Variants in COQ8B observed in about 807,000 individuals in gnomAD.
The protein encoded by COQ8B is coenzyme Q8B, also known as atypical kinase COQ8B, mitochondrial.
A neutral mutation model predicts 62.0 loss-of-function variants in COQ8B; 44 were observed. The observed-to-expected ratio is 0.71, with a 90% CI of 0.56 to 0.91. The LOEUF (loss-of-function observed/expected upper bound fraction) is 0.91, where lower values mean the gene tolerates loss of function less well. Among genes scored for constraint, COQ8B ranks in the 40% least tolerant of loss-of-function variants. The pLI, the probability that COQ8B is intolerant of heterozygous loss-of-function variation, is 0.00. For missense variants in COQ8B, 649 were observed against 731.6 expected (o/e 0.89, Z 1.30); for synonymous variants, 252 against 289.9 (o/e 0.87, Z 1.33).
Position 40,714,427 on chromosome 19 carries a change from G to T in COQ8B, c.103-30C>A, listed in dbSNP as rs2082168501. On this transcript the variant is annotated intron_variant, in intron 2 of 14. Coordinates refer to ENST00000324464, the MANE Select transcript of COQ8B (RefSeq NM_024876.4). Reference sequence around the variant, plus strand: ...AAGAGATATACTTTGATAAGGAGGGGAGGACATGGGATCACCTGGCCCTTC... The same window carrying T: ...AAGAGATATACTTTGATAAGGAGGGTAGGACATGGGATCACCTGGCCCTTC... 3 of 1,612,508 alleles carry T rather than the reference G, an allele frequency of 1.9e-6. No individual in the cohort carries two copies. The African/African-American group carries it at 4.0e-5, about 22-fold the overall frequency.
intron 5 of COQ8B, among the ~76,000 whole-genome samples, chr19:40,708,639 A>C (rs545798491): frequency 1.3e-5 from 2 of 151,838 alleles, no homozygotes; most frequent in South Asian, 4.2e-4. Context: ...TTTGAAAAAA[A>C]TATCCAGGCT....
chr19:40,715,376 A>G (rs1205354315), intron 1 of COQ8B: 1 of 985,506 alleles, frequency 1.0e-6, no homozygotes, highest in East Asian at 1.1e-4. Context: ...ACTTTCTTGC[A>G]AAGTCTCCCT....
intron 10 of COQ8B, chr19:40,700,740 C>T (rs1360370731): frequency 7.0e-6 from 3 of 430,854 alleles, no homozygotes; most frequent in Non-Finnish European, 1.3e-5. Flanking sequence ...TTCTGGTTGC[C>T]CCAGAAGGAT....
intron 12 of COQ8B, among the ~76,000 whole-genome samples, chr19:40,696,742 C>G (rs960565536): frequency 3.9e-5 from 6 of 152,090 alleles, no homozygotes; most frequent in African/African-American, 7.2e-5. Flanking sequence ...CCCAGGTCCC[C>G]AGGGTCACCT....
Position 40,691,966 on chromosome 19 carries a change from G to C in COQ8B, c.*69C>G. 1 of 1,404,910 alleles carries C rather than the reference G, an allele frequency of 7.1e-7. No individual in the cohort carries two copies. Among genetic ancestry groups the C allele is most frequent in the Non-Finnish European group, 9.4e-7 (1 of 1,059,110 alleles). 87.0% of individuals were successfully genotyped at this position (1,404,910 alleles called of 1,614,324 possible). On this transcript the variant is annotated 3_prime_UTR_variant, in exon 15 of 15. Transcript: ENST00000324464. ...GGGGCTCCTCTGACCCAGGGCAGACGGGGAAGGGATAAGAGGCACTACAGC... is the reference window on the plus strand; with the variant it reads ...GGGGCTCCTCTGACCCAGGGCAGACCGGGAAGGGATAAGAGGCACTACAGC...
At position 40,714,100 on chromosome 19, in the gene COQ8B, C is replaced by T; in HGVS notation, c.256G>A (p.Ala86Thr). 1 of 1,614,172 alleles carries T rather than the reference C, an allele frequency of 6.2e-7. No individual in the cohort carries two copies. Among genetic ancestry groups the T allele is most frequent in the Non-Finnish European group, 8.5e-7 (1 of 1,180,024 alleles). Residue 86 changes from alanine to threonine, a missense_variant, in exon 4 of 15, where the codon GCC becomes ACC. Ala to Thr is a moderately conservative substitution (Grantham distance 58). Coordinates refer to ENST00000324464, the MANE Select transcript of COQ8B (RefSeq NM_024876.4). The stretch of plus-strand genomic sequence containing the variant: ...TTGGCCAAGCGGCTGATGCGGGAGG[C>T]AGGCACCTTGCGTTCTCGAGAGCGG... ...SDRSRERKVPASRISRLANFG... is the reference protein window; with the variant it reads ...SDRSRERKVPTSRISRLANFG...
At chr19:40,698,896 G>A (rs934164955) in intron 12 of COQ8B, among the ~76,000 whole-genome samples, 2 of 152,106 alleles carry the variant, frequency 1.3e-5, no homozygotes, top group African/African-American at 4.8e-5. Flanking sequence ...CAAGTCTGCA[G>A]GTCCAAACCT....
At chr19:40,695,853 G>T in intron 13 of COQ8B, 136 bp downstream of exon 13, 1 of 877,710 alleles carries the variant, frequency 1.1e-6, no homozygotes, top group Non-Finnish European at 1.9e-6. Flanking sequence ...CTTGGTGTGT[G>T]CTAGTTGCTA....
At chr19:40,694,317 G>A (rs2081996965) in intron 13 of COQ8B, among the ~76,000 whole-genome samples, 1 of 152,312 alleles carries the variant, frequency 6.6e-6, no homozygotes, top group South Asian at 2.1e-4. Flanking sequence ...CAGGCTTAGA[G>A]ACCACTTCTT....
chr19:40,703,859 C>G lies in COQ8B; in HGVS notation c.577-4G>C. On this transcript the variant is annotated splice_polypyrimidine_tract_variant and splice_region_variant and intron_variant, in intron 7 of 14. Coordinates refer to ENST00000324464, the MANE Select transcript of COQ8B (RefSeq NM_024876.4). The stretch of plus-strand genomic sequence containing the variant: ...CGAGCTCCTCTTCAAGAACTCTCTG[C>G]GGGGAGTGGTCACAGCCATCATCAT... 1.2e-6 allele frequency: 2 copies of G among 1,604,072 alleles called. No homozygotes were observed. The highest frequency in any genetic ancestry group is 1.7e-6 in the Non-Finnish European group (2 of 1,172,860).
intron 12 of COQ8B, among the ~76,000 whole-genome samples, chr19:40,697,822 T>TTTTATATATA (rs1491424608): frequency 1.3e-5 from 1 of 79,126 alleles, no homozygotes; most frequent in African/African-American, 6.0e-5. Flanking sequence ...ATAAATAAAA[T>TTTTATATATA]TATATATATA....
At chr19:40,701,949 T>C (rs1436777931) in intron 10 of COQ8B, among the ~76,000 whole-genome samples, 1 of 152,248 alleles carries the variant, frequency 6.6e-6, no homozygotes, top group African/African-American at 2.4e-5. Context: ...CCATAGTTCA[T>C]GCATTTTCAC....
chr19:40,715,106 G>A (rs1285593974), intron 1 of COQ8B: 2 of 986,572 alleles, frequency 2.0e-6, no homozygotes, highest in Non-Finnish European at 2.4e-6. Context: ...CTGTGCTTCC[G>A]GGAGCCTCTG....
At chr19:40,714,474 C>A in intron 2 of COQ8B, 57 bp downstream of exon 2, 1 of 1,613,504 alleles carries the variant, frequency 6.2e-7, no homozygotes, top group East Asian at 2.2e-5. Context: ...TGTCCTTTTA[C>A]CCTCTGAAGT....
chr19:40,700,125 C>G lies in COQ8B; in HGVS notation c.1085G>C (p.Arg362Pro). Residue 362 changes from arginine (R) to proline (P), a missense_variant, in exon 12 of 15, where the codon CGA becomes CCA. Physicochemically the swap from Arg to Pro is moderately radical, Grantham distance 103. Transcript: ENST00000324464. The part of the protein sequence containing the change: ...TLCLRELFEF[R>P]FMQTDPNWAN... ...CCAGTTGGGGTCAGTCTGCATGAATCGGAACTCAAACAGCTCCCGCAGACA... is the reference window on the plus strand; with the variant it reads ...CCAGTTGGGGTCAGTCTGCATGAATGGGAACTCAAACAGCTCCCGCAGACA... The G allele has an allele frequency of 6.2e-7, 1 of 1,614,198 alleles. No individual in the cohort carries two copies. Among genetic ancestry groups the G allele is most frequent in the Admixed American group, 1.7e-5 (1 of 60,028 alleles).
intron 4 of COQ8B, among the ~76,000 whole-genome samples, chr19:40,710,337 C>T (rs557179997): frequency 2.6e-5 from 4 of 152,296 alleles, no homozygotes; most frequent in South Asian, 4.1e-4. Context: ...CTCCACCTCC[C>T]GGGTTCAAGC....
At chr19:40,696,534 G>A (rs1307583841) in intron 12 of COQ8B, among the ~76,000 whole-genome samples, 1 of 151,856 alleles carries the variant, frequency 6.6e-6, no homozygotes, top group African/African-American at 2.4e-5. Flanking sequence ...GTGCGGTGGT[G>A]CGTGCCTGTA....
chr19:40,703,372 C>A (rs141449027), intron 9 of COQ8B, 169 bp downstream of exon 9: 148 of 674,266 alleles, frequency 2.2e-4, no homozygotes, highest in Admixed American at 3.7e-4. Flanking sequence ...CCCACACCTG[C>A]TCATGCTCCC....
chr19:40,698,650 G>A (rs187845735), intron 12 of COQ8B, among the ~76,000 whole-genome samples: 1 of 152,276 alleles, frequency 6.6e-6, no homozygotes, highest in Admixed American at 6.5e-5. Context: ...GACACAGGGT[G>A]TATGCACATT....
Sources: gnomAD v4.1 joint callset for allele counts (sites outside exome capture counted in the v4.1 genomes callset) on GRCh38, gnomAD v4.1.1 for gene constraint, MANE v1.5 for transcripts, NCBI Gene and HGNC (gene_info 2026-07-23, HGNC 2026-07-21) for gene names.